The following KLF12 variants were observed in gnomAD, a reference collection of about 807,000 sequenced individuals.
KLF12 encodes Krueppel-like factor 12.
KLF12 carries 9 observed loss-of-function variants against 37.8 expected under a neutral mutation model. That is an observed-to-expected ratio of 0.24 (90% CI 0.14 to 0.42). KLF12 has a LOEUF of 0.42. Ranked by LOEUF, KLF12 falls within the 10% of genes least tolerant of loss-of-function variation. The pLI, the probability that KLF12 is intolerant of heterozygous loss-of-function variation, is 1.00. For synonymous variants in KLF12, 208 were observed against 202.1 expected (o/e 1.03, Z -0.25); for missense variants, 411 against 516.0 (o/e 0.80, Z 1.97).
the KLF12 span, among the ~76,000 whole-genome samples, chr13:74,246,421 G>T: frequency 1.3e-5 from 2 of 152,166 alleles, no homozygotes; most frequent in African/African-American, 4.8e-5. Flanking sequence ...TATTCCTCAG[G>T]CATAAAATGC....
At chr13:74,039,365 A>G (rs1365808813) in intron 1 of KLF12, among the ~76,000 whole-genome samples, 1 of 152,008 alleles carries the variant, frequency 6.6e-6, no homozygotes, top group Non-Finnish European at 1.5e-5. Context: ...GCAAGACCCC[A>G]TCTCTACCAA....
intron 4 of KLF12, among the ~76,000 whole-genome samples, chr13:73,819,861 G>A (rs1168957740): frequency 6.6e-6 from 1 of 152,162 alleles, no homozygotes; most frequent in Non-Finnish European, 1.5e-5. Flanking sequence ...TTTGTAGGGT[G>A]AGGGGCATTC....
intron 6 of KLF12, among the ~76,000 whole-genome samples, chr13:73,728,165 C>A (rs1876806806): frequency 1.3e-5 from 2 of 152,282 alleles, no homozygotes; most frequent in African/African-American, 4.8e-5. Flanking sequence ...AACGTTCAAG[C>A]CTTACATATC....
chr13:74,069,704 G>C (rs1267427176), intron 1 of KLF12, among the ~76,000 whole-genome samples: 3 of 152,066 alleles, frequency 2.0e-5, no homozygotes, highest in African/African-American at 7.2e-5. Flanking sequence ...GCAGAAAATA[G>C]GAGATTACAA....
chr13:73,887,148 A>C (rs1308986847), intron 3 of KLF12, among the ~76,000 whole-genome samples: 1 of 152,240 alleles, frequency 6.6e-6, no homozygotes, highest in Non-Finnish European at 1.5e-5. Context: ...TTGGTGATAC[A>C]TGTGCTACTG....
At chr13:74,047,200 C>T (rs1893569868) in intron 1 of KLF12, among the ~76,000 whole-genome samples, 1 of 152,066 alleles carries the variant, frequency 6.6e-6, no homozygotes, top group Admixed American at 6.5e-5. Context: ...TCATATGACC[C>T]AAGCCTAACA....
chr13:73,706,311 T>C (rs1380555728), intron 7 of KLF12, among the ~76,000 whole-genome samples: 2 of 152,226 alleles, frequency 1.3e-5, no homozygotes, highest in Non-Finnish European at 2.9e-5. Flanking sequence ...AAGTCTTTTC[T>C]AAATATAGGA....
rs146483200 is a variant in KLF12, at chr13:73,930,065, G to A, written c.123+13916C>T. Among the ~76,000 whole-genome samples, 59 of 152,228 alleles carry A rather than the reference G, an allele frequency of 3.9e-4. No homozygotes were observed. In the East Asian group the frequency reaches 0.01, roughly 26 times the overall value. On this transcript the variant is annotated intron_variant, in intron 3 of 7. Coordinates refer to ENST00000377669, the MANE Select transcript of KLF12 (RefSeq NM_007249.5). ...AAATAAAGTCAGCTATATAAAGTAG[G>A]GTCAGATTATATAGGTGCAACTGCA...
intron 1 of KLF12, among the ~76,000 whole-genome samples, chr13:74,074,219 C>A (rs985159943): frequency 6.6e-6 from 1 of 152,148 alleles, no homozygotes; most frequent in Non-Finnish European, 1.5e-5. Flanking sequence ...CTGAAGCACT[C>A]TTTTTCGGTA....
intron 1 of KLF12, among the ~76,000 whole-genome samples, chr13:74,050,321 TATTTTACAC>T (rs1202153814): frequency 6.6e-6 from 1 of 152,182 alleles, no homozygotes; most frequent in Admixed American, 6.5e-5. Flanking sequence ...AATGTTAAGA[TATTTTACAC>T]ATGCTGGATT....
At chr13:73,828,014 T>G (rs191484803) in intron 4 of KLF12, among the ~76,000 whole-genome samples, 181 of 152,342 alleles carry the variant, frequency 1.2e-3, no homozygotes, top group Middle Eastern at 6.8e-3. Flanking sequence ...ATGAGTCTTA[T>G]CAGCATAAGA....
chr13:74,079,167 G>A (rs780460183), intron 1 of KLF12, among the ~76,000 whole-genome samples: 22 of 151,858 alleles, frequency 1.4e-4, no homozygotes, highest in Non-Finnish European at 2.8e-4. Context: ...TCACTTATAT[G>A]AGGTACCTAA....
chr13:74,012,894 TACTA>T (rs1156948607), intron 1 of KLF12, among the ~76,000 whole-genome samples: 2 of 152,232 alleles, frequency 1.3e-5, no homozygotes, highest in African/African-American at 2.4e-5. Context: ...ATATGACCTC[TACTA>T]ACTATCCCTG....
At chr13:74,121,893 T>C (rs1185559125) in intron 1 of KLF12, among the ~76,000 whole-genome samples, 3 of 152,014 alleles carry the variant, frequency 2.0e-5, no homozygotes, top group Non-Finnish European at 4.4e-5. Flanking sequence ...TACCTCAAAA[T>C]TGCTGCTGAT....
At chr13:73,709,866 A>ATAAG (rs1480273340) in intron 7 of KLF12, among the ~76,000 whole-genome samples, 2 of 152,162 alleles carry the variant, frequency 1.3e-5, no homozygotes, top group African/African-American at 4.8e-5. Context: ...ATCATGTCTT[A>ATAAG]GGGTTTTTTC....
At chr13:73,735,441 A>G (rs1301468984) in intron 6 of KLF12, among the ~76,000 whole-genome samples, 2 of 152,098 alleles carry the variant, frequency 1.3e-5, no homozygotes, top group Non-Finnish European at 2.9e-5. Context: ...TTCGAGGAAG[A>G]TGTCGCCCCC....
the KLF12 span, among the ~76,000 whole-genome samples, chr13:74,223,058 T>C: frequency 6.6e-6 from 1 of 152,190 alleles, no homozygotes; most frequent in African/African-American, 2.4e-5. Context: ...AATAAGCACA[T>C]AATACCCTCA....
chr13:74,253,029 G>A, the KLF12 span, among the ~76,000 whole-genome samples: 7 of 137,978 alleles, frequency 5.1e-5, no homozygotes, highest in African/African-American at 1.9e-4. Flanking sequence ...CTATCTGTCT[G>A]TCTATCTACC....
chr13:73,935,183 T>C (rs943409202), intron 3 of KLF12, among the ~76,000 whole-genome samples: 7 of 151,844 alleles, frequency 4.6e-5, no homozygotes, highest in African/African-American at 1.7e-4. Context: ...GAGACAGGGT[T>C]TTGCCATGTT....
Sources: gnomAD v4.1 joint callset for allele counts (sites outside exome capture counted in the v4.1 genomes callset) on GRCh38, gnomAD v4.1.1 for gene constraint, MANE v1.5 for transcripts, NCBI Gene and HGNC (gene_info 2026-07-23, HGNC 2026-07-21) for gene names.